AGBL4: variants seen among roughly 807,000 people sequenced by gnomAD.
AGBL4 encodes the protein AGBL carboxypeptidase 4, also known as cytosolic carboxypeptidase 6.
In AGBL4, 58 loss-of-function variants were observed where a neutral mutation model predicts 66.4. The ratio of observed to expected loss-of-function variants is 0.87; its 90% CI spans 0.71 to 1.09. AGBL4 has a LOEUF of 1.09. AGBL4 is among the 50% of genes least tolerant of loss of function. The pLI is 0.00. For missense variants in AGBL4, 579 were observed against 631.0 expected, an observed-to-expected ratio of 0.92 and a Z score of 0.88; for synonymous variants, 234 against 222.9, an observed-to-expected ratio of 1.05 and a Z score of -0.44.
At chr1:49,546,568 A>G (rs1346428607) in intron 3 of AGBL4, among the ~76,000 whole-genome samples, 1 of 152,084 alleles carries the variant, frequency 6.6e-6, no homozygotes, top group African/African-American at 2.4e-5. Flanking sequence ...TACTACTTCT[A>G]GTTCTTTAAG....
chr1:49,822,570 T>C (rs1186259213), intron 2 of AGBL4, among the ~76,000 whole-genome samples: 2 of 152,136 alleles, frequency 1.3e-5, no homozygotes, highest in Non-Finnish European at 2.9e-5. Flanking sequence ...GTGATCCACA[T>C]AATTTCTAAA....
chr1:48,729,459 G>A (rs1353283434), intron 6 of AGBL4, among the ~76,000 whole-genome samples: 1 of 152,172 alleles, frequency 6.6e-6, no homozygotes, highest in African/African-American at 2.4e-5. Context: ...ATTCAACCTT[G>A]AGGAATTGCT....
intron 3 of AGBL4, among the ~76,000 whole-genome samples, chr1:49,313,504 G>T (rs529644445): frequency 2.6e-5 from 4 of 152,074 alleles, no homozygotes; most frequent in Non-Finnish European, 5.9e-5. Flanking sequence ...TTGTAAAAGC[G>T]TTCCTATTTC....
rs1023833756 is a variant in AGBL4 at position 49,874,814 on chromosome 1, G to C, written c.35-23296C>G. The stretch of plus-strand genomic sequence containing the variant: ...TTTTTGTTATTTCTATTATTTTTTT[G>C]TTTTGTTTTGTTTTATTACTATTAT... On this transcript the variant is annotated intron_variant, in intron 1 of 13. Transcript: ENST00000371839. 1.2e-4 allele frequency among the ~76,000 whole-genome samples: 18 copies of C among 149,952 alleles called. 1 individual carries two copies. In the South Asian group the frequency reaches 3.1e-3, roughly 26 times the overall value.
intron 1 of AGBL4, among the ~76,000 whole-genome samples, chr1:49,916,607 A>T (rs1651530395): frequency 6.6e-6 from 1 of 152,368 alleles, no homozygotes; most frequent in African/African-American, 2.4e-5. Context: ...TCTACGTCTG[A>T]TTGGTATACC....
intron 11 of AGBL4, among the ~76,000 whole-genome samples, chr1:48,545,958 T>C (rs775627256): frequency 6.6e-6 from 1 of 152,232 alleles, no homozygotes; most frequent in Non-Finnish European, 1.5e-5. Context: ...TGTATACTGC[T>C]ATGAAGAGGA....
chr1:49,389,700 C>T (rs1360992871), intron 3 of AGBL4, among the ~76,000 whole-genome samples: 1 of 152,038 alleles, frequency 6.6e-6, no homozygotes, highest in East Asian at 1.9e-4. Context: ...AATCTGAGCT[C>T]CTGTTTATAG....
At chr1:49,739,373 T>C (rs1359349443) in intron 2 of AGBL4, among the ~76,000 whole-genome samples, 3 of 152,092 alleles carry the variant, frequency 2.0e-5, no homozygotes, top group Non-Finnish European at 4.4e-5. Flanking sequence ...TAAAAAGAAA[T>C]GAACAAAGCC....
At chr1:48,906,743 G>T (rs1298374972) in intron 5 of AGBL4, among the ~76,000 whole-genome samples, 2 of 152,160 alleles carry the variant, frequency 1.3e-5, no homozygotes, top group Non-Finnish European at 2.9e-5. Flanking sequence ...TGAAAACAAA[G>T]AAATAAAATG....
intron 3 of AGBL4, among the ~76,000 whole-genome samples, chr1:49,647,725 G>A (rs1003982349): frequency 6.6e-6 from 1 of 151,876 alleles, no homozygotes; most frequent in African/African-American, 2.4e-5. Context: ...CAGGGATTTG[G>A]TCAGAACTTA....
At chr1:48,974,951 C>G (rs1443626366) in intron 5 of AGBL4, among the ~76,000 whole-genome samples, 1 of 152,020 alleles carries the variant, frequency 6.6e-6, no homozygotes, top group Non-Finnish European at 1.5e-5. Flanking sequence ...ATAATCTAGT[C>G]TGCTGAGCTC....
At chr1:49,159,413 G>A (rs995145601) in intron 4 of AGBL4, among the ~76,000 whole-genome samples, 8 of 152,196 alleles carry the variant, frequency 5.3e-5, no homozygotes, top group African/African-American at 1.4e-4. Context: ...TGGCTTGTAG[G>A]ATTTCTGCAG....
At chr1:49,916,274 T>C (rs544413137) in intron 1 of AGBL4, among the ~76,000 whole-genome samples, 61 of 151,998 alleles carry the variant, frequency 4.0e-4, no homozygotes, top group Middle Eastern at 3.4e-3. Context: ...CTTCAGACAA[T>C]CAAAGTTCTC....
At chr1:49,512,668 A>C (rs1252358774) in intron 3 of AGBL4, among the ~76,000 whole-genome samples, 2 of 151,944 alleles carry the variant, frequency 1.3e-5, no homozygotes, top group African/African-American at 2.4e-5. Flanking sequence ...CTTCTTGTAC[A>C]GCCTGCAGAA....
intron 1 of AGBL4, among the ~76,000 whole-genome samples, chr1:49,976,889 C>T (rs558262772): frequency 2.0e-5 from 3 of 152,132 alleles, no homozygotes; most frequent in Non-Finnish European, 2.9e-5. Flanking sequence ...AGTATGTATC[C>T]ATCTCAATTT....
intron 4 of AGBL4, among the ~76,000 whole-genome samples, chr1:49,055,007 G>A (rs932058903): frequency 1.3e-5 from 2 of 151,934 alleles, no homozygotes; most frequent in South Asian, 2.1e-4. Flanking sequence ...AGGAAGATAC[G>A]ACAGTTGTCT....
chr1:48,706,427 T>G (rs1646881053), intron 6 of AGBL4, among the ~76,000 whole-genome samples: 2 of 152,150 alleles, frequency 1.3e-5, no homozygotes, highest in African/African-American at 4.8e-5. Flanking sequence ...AGGAACAGTG[T>G]TTCAACAACA....
intron 5 of AGBL4, among the ~76,000 whole-genome samples, chr1:49,018,980 A>C (rs1371457021): frequency 6.6e-6 from 1 of 152,278 alleles, no homozygotes; most frequent in South Asian, 2.1e-4. Context: ...GAAACCAAAA[A>C]AACAAACGAT....
At chr1:49,114,045 G>C (rs900703358) in intron 4 of AGBL4, among the ~76,000 whole-genome samples, 3 of 152,216 alleles carry the variant, frequency 2.0e-5, no homozygotes, top group African/African-American at 7.2e-5. Context: ...CCTCACAAGA[G>C]AGTCAGCCTG....
Sources: allele counts gnomAD v4.1 joint callset (sites outside exome capture counted in the v4.1 genomes callset), GRCh38; gene constraint gnomAD v4.1.1; transcripts MANE v1.5; gene names NCBI Gene and HGNC (gene_info 2026-07-23, HGNC 2026-07-21).